DNM3: variants seen among roughly 807,000 people sequenced by gnomAD.
DNM3 encodes the protein dynamin-3.
Under a neutral mutation model 101.6 loss-of-function variants are expected in DNM3, and 47 were observed. The observed-to-expected ratio is 0.46, with a 90% CI of 0.37 to 0.59. The LOEUF is 0.59. Among genes scored for constraint, DNM3 ranks in the 20% least tolerant of loss-of-function variants. The pLI is 0.00. For synonymous variants in DNM3, 385 were observed against 387.9 expected, an observed-to-expected ratio of 0.99 and a Z score of 0.09; for missense variants, 849 against 1,085.7, an observed-to-expected ratio of 0.78 and a Z score of 3.06.
chr1:172,316,855 C>A (rs1205995427), intron 16 of DNM3, among the ~76,000 whole-genome samples: 3 of 151,956 alleles, frequency 2.0e-5, no homozygotes, highest in South Asian at 4.2e-4. Context: ...ACAAGGATAC[C>A]CAGGAATTGA....
chr1:172,142,412 A>G (rs1239927616), intron 14 of DNM3, among the ~76,000 whole-genome samples: 1 of 152,098 alleles, frequency 6.6e-6, no homozygotes, highest in Non-Finnish European at 1.5e-5. Flanking sequence ...AGCCCATATA[A>G]TTGAAAAATA....
chr1:171,871,648 C>T (rs570596796), intron 1 of DNM3, among the ~76,000 whole-genome samples: 2 of 152,050 alleles, frequency 1.3e-5, no homozygotes, highest in African/African-American at 4.8e-5. Context: ...ATATTAGTGA[C>T]CATATAAGTT....
chr1:172,321,819 G>A (rs7551618), intron 16 of DNM3, among the ~76,000 whole-genome samples: 1 of 152,148 alleles, frequency 6.6e-6, no homozygotes, highest in African/African-American at 2.4e-5. Context: ...TGCACTACTT[G>A]GGAGAACCAG....
intron 1 of DNM3, among the ~76,000 whole-genome samples, chr1:171,861,768 G>T (rs2034200480): frequency 6.6e-6 from 1 of 152,098 alleles, no homozygotes; most frequent in Non-Finnish European, 1.5e-5. Context: ...AAACTTTTGT[G>T]CTTCAAGGGA....
rs150565966 is a variant in DNM3, at chr1:172,034,596, AT to A, written c.849+1341del. Reference sequence around the variant, plus strand: ...ATTCTCGTTGACTAAAAATTGAATGATTTTTTTTTTAACTGAAGATTTCTCC... The same window carrying A: ...ATTCTCGTTGACTAAAAATTGAATGATTTTTTTTTAACTGAAGATTTCTCC... On this transcript the variant is annotated intron_variant, in intron 6 of 20. Coordinates refer to ENST00000627582, the MANE Select transcript of DNM3 (RefSeq NM_015569.5). Among the ~76,000 whole-genome samples the A allele has an allele frequency of 3.0e-3, 448 of 150,328 alleles. 3 individuals are homozygous for A. Among genetic ancestry groups the A allele is most frequent in the African/African-American group, 0.01 (412 of 41,052 alleles).
At chr1:172,221,093 A>G (rs1401279459) in intron 14 of DNM3, among the ~76,000 whole-genome samples, 3 of 151,994 alleles carry the variant, frequency 2.0e-5, no homozygotes, top group African/African-American at 4.8e-5. Flanking sequence ...TTCTCCTTAT[A>G]GGGACATATG....
chr1:172,273,711 G>A (rs2063169523), intron 15 of DNM3, among the ~76,000 whole-genome samples: 2 of 152,002 alleles, frequency 1.3e-5, no homozygotes, highest in South Asian at 4.1e-4. Flanking sequence ...ATCACATCAT[G>A]TCCCTTTTTG....
intron 11 of DNM3, 144 bp from the exon 12 acceptor site, chr1:172,081,684 TAAAG>T (rs2053161073): frequency 1.6e-6 from 1 of 630,914 alleles, no homozygotes; most frequent in East Asian, 2.8e-5. Flanking sequence ...ATGAGTCTAA[TAAAG>T]AAAAGTTAAG....
At chr1:172,106,698 C>A (rs2055042817) in intron 13 of DNM3, among the ~76,000 whole-genome samples, 1 of 151,896 alleles carries the variant, frequency 6.6e-6, no homozygotes, top group Non-Finnish European at 1.5e-5. Flanking sequence ...TGATTATGGT[C>A]TTACATATTG....
At chr1:172,189,659 A>G (rs1017779802) in intron 14 of DNM3, among the ~76,000 whole-genome samples, 3 of 152,064 alleles carry the variant, frequency 2.0e-5, no homozygotes, top group South Asian at 2.1e-4. Context: ...GTCACTATAA[A>G]GAAATACCTG....
At chr1:171,971,350 C>T (rs2043980508) in intron 2 of DNM3, among the ~76,000 whole-genome samples, 1 of 152,014 alleles carries the variant, frequency 6.6e-6, no homozygotes, top group African/African-American at 2.4e-5. Flanking sequence ...GATCACTCTA[C>T]CCTAAAAAGA....
Position 171,963,642 on chromosome 1 carries a change from T to G in DNM3, c.236-24014T>G, listed in dbSNP as rs1571857034. On this transcript the variant is annotated intron_variant, in intron 2 of 20. Coordinates refer to ENST00000627582, the MANE Select transcript of DNM3 (RefSeq NM_015569.5). ...GGAGGTGGGATATATGGGAACTCTGTACTTTCTGGTCAATTTCTCTGTGAA... is the reference window on the plus strand; with the variant it reads ...GGAGGTGGGATATATGGGAACTCTGGACTTTCTGGTCAATTTCTCTGTGAA... Among the ~76,000 whole-genome samples, 4 of 152,174 alleles carry G rather than the reference T, an allele frequency of 2.6e-5. No homozygotes were observed. In the South Asian group the frequency reaches 8.3e-4, roughly 32 times the overall value.
At chr1:172,309,105 G>A (rs1260622461) in intron 16 of DNM3, 10 of 356,966 alleles carry the variant, frequency 2.8e-5, no homozygotes, top group Non-Finnish European at 5.0e-5. Flanking sequence ...CTCAGCTCAA[G>A]ACAAAGTTTG....
chr1:172,314,788 G>A (rs1338471634), intron 16 of DNM3, among the ~76,000 whole-genome samples: 1 of 152,212 alleles, frequency 6.6e-6, no homozygotes, highest in Non-Finnish European at 1.5e-5. Context: ...GCCTGCCTCT[G>A]TAGGCTCCAC....
chr1:172,056,267 G>A (rs972805760), intron 10 of DNM3, among the ~76,000 whole-genome samples: 1 of 152,228 alleles, frequency 6.6e-6, no homozygotes, highest in African/African-American at 2.4e-5. Flanking sequence ...GGCTGGGGGA[G>A]GGGCACCCGA....
chr1:172,249,167 C>T (rs1040618152), intron 14 of DNM3, among the ~76,000 whole-genome samples: 4 of 152,124 alleles, frequency 2.6e-5, no homozygotes, highest in African/African-American at 9.7e-5. Context: ...ATTGTATCTC[C>T]TTCTAGTGCC....
At chr1:172,364,014 G>T (rs2067880182) in intron 17 of DNM3, among the ~76,000 whole-genome samples, 1 of 151,830 alleles carries the variant, frequency 6.6e-6, no homozygotes, top group African/African-American at 2.4e-5. Flanking sequence ...ACACTTAGAG[G>T]CTATACCATA....
At chr1:171,996,724 A>G (rs2046020245) in intron 4 of DNM3, among the ~76,000 whole-genome samples, 1 of 152,150 alleles carries the variant, frequency 6.6e-6, no homozygotes, top group African/African-American at 2.4e-5. Context: ...TAATTAAGAT[A>G]AATTATTATA....
intron 15 of DNM3, among the ~76,000 whole-genome samples, chr1:172,275,592 A>T (rs2063253201): frequency 1.3e-5 from 2 of 152,052 alleles, no homozygotes; most frequent in East Asian, 3.9e-4. Flanking sequence ...GATGATTATT[A>T]ATTTTTTCTT....
Sources: gnomAD v4.1 joint callset for allele counts (sites outside exome capture counted in the v4.1 genomes callset) on GRCh38, gnomAD v4.1.1 for gene constraint, MANE v1.5 for transcripts, NCBI Gene and HGNC (gene_info 2026-07-23, HGNC 2026-07-21) for gene names.